Variants in NUP153 observed in about 807,000 individuals in gnomAD.
NUP153 encodes nuclear pore complex protein Nup153.
In NUP153, 27 loss-of-function variants were observed where a neutral mutation model predicts 134.6. The ratio of observed to expected loss-of-function variants is 0.20; its 90% CI spans 0.15 to 0.28. The LOEUF (loss-of-function observed/expected upper bound fraction) is 0.28. Among genes scored for constraint, NUP153 ranks in the 10% least tolerant of loss-of-function variants. The probability of loss-of-function intolerance (pLI) is 1.00; values close to 1 mark genes in which losing one functional copy is unlikely to be tolerated. For missense variants in NUP153, 1,821 were observed against 1,731.3 expected (o/e 1.05, Z -0.92); for synonymous variants, 640 against 623.5 (o/e 1.03, Z -0.40).
chr6:17,647,012 C>T (rs1226225823), intron 13 of NUP153, among the ~76,000 whole-genome samples: 1 of 151,710 alleles, frequency 6.6e-6, no homozygotes, highest in Non-Finnish European at 1.5e-5. Context: ...CTGCCTCGGC[C>T]TCCCAAAGTG....
intron 1 of NUP153, among the ~76,000 whole-genome samples, chr6:17,698,002 T>TC (rs1326416267): frequency 1.3e-5 from 2 of 152,226 alleles, no homozygotes; most frequent in Non-Finnish European, 2.9e-5. Flanking sequence ...TCAGTTCTGT[T>TC]CAACTCCCTT....
At position 17,629,380 on chromosome 6, in the gene NUP153, G is replaced by C. The variant is rs757010696; in HGVS notation, c.2819C>G (p.Ser940Cys). 1 of 1,613,890 alleles carries C rather than the reference G, an allele frequency of 6.2e-7. No homozygotes were observed. Among genetic ancestry groups the C allele is most frequent in the East Asian group, 2.2e-5 (1 of 44,864 alleles). Residue 940 changes from serine to cysteine, a missense_variant, in exon 18 of 22, where the codon TCT becomes TGT. Ser to Cys is a moderately radical substitution (Grantham distance 112). Coordinates refer to ENST00000262077, the MANE Select transcript of NUP153 (RefSeq NM_005124.4). ...GGFKIGVSSDSGSINPMSEGF... is the reference protein window; with the variant it reads ...GGFKIGVSSDCGSINPMSEGF... ...TTCACTCATGGGGTTTATAGACCCA[G>C]AATCGGATGACACACCTATTTTGAA...
At chr6:17,633,679 G>C (rs1267383761) in intron 16 of NUP153, among the ~76,000 whole-genome samples, 1 of 152,222 alleles carries the variant, frequency 6.6e-6, no homozygotes, top group Non-Finnish European at 1.5e-5. Flanking sequence ...TGTGGGAGAG[G>C]TGGCACAGGA....
At chr6:17,658,126 G>A (rs183042796) in intron 11 of NUP153, among the ~76,000 whole-genome samples, 43 of 152,320 alleles carry the variant, frequency 2.8e-4, no homozygotes, top group African/African-American at 9.6e-4. Flanking sequence ...GAGGCTGGGC[G>A]TGATGGCTCA....
Position 17,683,035 on chromosome 6 carries a change from A to C in NUP153, c.334+5361T>G, listed in dbSNP as rs182017195. ...TAATTCAGTCACATCTTCATACTCC[A>C]CTTCTAATTTTAGTTTTCTTTCTAT... is the stretch of plus-strand genomic sequence containing the variant. On this transcript the variant is annotated intron_variant, in intron 2 of 21. Coordinates refer to ENST00000262077, the MANE Select transcript of NUP153 (RefSeq NM_005124.4). Among the ~76,000 whole-genome samples the C allele has an allele frequency of 2.2e-3, 334 of 151,906 alleles. 1 individual carries two copies. Among genetic ancestry groups the C allele is most frequent in the Middle Eastern group, 6.9e-3 (2 of 290 alleles).
At chr6:17,674,370 A>G (rs1394351894) in intron 5 of NUP153, among the ~76,000 whole-genome samples, 1 of 152,234 alleles carries the variant, frequency 6.6e-6, no homozygotes, top group African/African-American at 2.4e-5. Context: ...ATACACGCAC[A>G]TATCTAATAC....
At position 17,629,434 on chromosome 6, in the gene NUP153, C is replaced by A. The variant is rs568832274; in HGVS notation, c.2765G>T (p.Gly922Val). Reference protein sequence around the residue: ...SGPSQTLTSTGNFKFGDQGGF... With the variant: ...SGPSQTLTSTVNFKFGDQGGF... The stretch of plus-strand genomic sequence containing the variant: ...TCCCTGATCTCCAAATTTAAAATTT[C>A]CAGTGCTTGTTAAAGTCTGAGAAGG... The change falls in exon 18 of 22, where the codon GGA becomes GTA. Residue 922 changes from glycine (G) to valine (V), a missense_variant. Transcript: ENST00000262077. 4.3e-6 allele frequency: 7 copies of A among 1,614,026 alleles called. No homozygotes were observed. The highest frequency in any genetic ancestry group is 1.6e-4 in the Middle Eastern group (1 of 6,062).
Position 17,661,745 on chromosome 6 carries a change from C to T in NUP153, c.1303G>A (p.Ala435Thr). The T allele has an allele frequency of 6.2e-7, 1 of 1,612,670 alleles. No individual in the cohort carries two copies. Among genetic ancestry groups the T allele is most frequent in the Non-Finnish European group, 8.5e-7 (1 of 1,179,662 alleles). Residue 435 changes from alanine to threonine, a missense_variant, in exon 11 of 22, where the codon GCC becomes ACC. Physicochemically the swap from Ala to Thr is moderately conservative, Grantham distance 58 (BLOSUM62 0). Coordinates refer to ENST00000262077, the MANE Select transcript of NUP153 (RefSeq NM_005124.4). ...FSYPNFSLPA[A>T]NGLSSGVGGG... ...CCTACTCCAGAAGATAAACCATTGGCTGCAGGCAAACTGAAATTTGGATAT... is the reference window on the plus strand; with the variant it reads ...CCTACTCCAGAAGATAAACCATTGGTTGCAGGCAAACTGAAATTTGGATAT...
chr6:17,622,819 C>T (rs185351245), intron 20 of NUP153, among the ~76,000 whole-genome samples: 2 of 152,116 alleles, frequency 1.3e-5, no homozygotes, highest in East Asian at 3.9e-4. Flanking sequence ...CTGATCTAAC[C>T]TTACAGTGTC....
intron 5 of NUP153, among the ~76,000 whole-genome samples, chr6:17,673,328 G>A (rs902083514): frequency 4.6e-5 from 7 of 151,992 alleles, no homozygotes; most frequent in African/African-American, 1.7e-4. Context: ...CTCAAGCTTG[G>A]GCGACAGCAC....
intron 20 of NUP153, among the ~76,000 whole-genome samples, chr6:17,623,432 T>C (rs1764758343): frequency 6.8e-6 from 1 of 147,936 alleles, no homozygotes; most frequent in African/African-American, 2.5e-5. Flanking sequence ...ATATAAGAAC[T>C]CATACAATGG....
rs1210687353 is a variant in NUP153, at chr6:17,629,354, C to T, written c.2845G>A (p.Gly949Ser). 1.9e-6 allele frequency: 3 copies of T among 1,611,106 alleles called. No individual in the cohort carries two copies. The highest frequency in any genetic ancestry group is 2.2e-5 in the East Asian group (1 of 44,878). ...DSGSINPMSEGFKFSKPIGDF... is the reference protein window; with the variant it reads ...DSGSINPMSESFKFSKPIGDF... Reference sequence around the variant, plus strand: ...CCTATTGGTTTAGAAAATTTAAAGCCTTCACTCATGGGGTTTATAGACCCA... The same window carrying T: ...CCTATTGGTTTAGAAAATTTAAAGCTTTCACTCATGGGGTTTATAGACCCA... The change falls in exon 18 of 22, where the codon GGC becomes AGC. Residue 949 changes from glycine to serine, a missense_variant. Physicochemically the swap from Gly to Ser is moderately conservative, Grantham distance 56. Transcript: ENST00000262077.
intron 8 of NUP153, among the ~76,000 whole-genome samples, chr6:17,667,432 A>G (rs1175221068): frequency 6.6e-6 from 1 of 152,188 alleles, no homozygotes; most frequent in Non-Finnish European, 1.5e-5. Context: ...AGAAAAATCC[A>G]AGCCAGGCAC....
intron 1 of NUP153, among the ~76,000 whole-genome samples, chr6:17,705,637 G>T (rs1427172764): frequency 6.6e-6 from 1 of 151,860 alleles, no homozygotes; most frequent in African/African-American, 2.4e-5. Flanking sequence ...GGGTGGAGAG[G>T]GACTTTCAAA....
chr6:17,635,497 G>A (rs1186628851), intron 16 of NUP153, among the ~76,000 whole-genome samples: 1 of 152,104 alleles, frequency 6.6e-6, no homozygotes, highest in African/African-American at 2.4e-5. Flanking sequence ...TACCTCCCGA[G>A]CTCAAGCAAT....
intron 2 of NUP153, among the ~76,000 whole-genome samples, chr6:17,677,511 T>C (rs1315855178): frequency 6.6e-6 from 1 of 152,158 alleles, no homozygotes; most frequent in Non-Finnish European, 1.5e-5. Context: ...AAAGCAGCTA[T>C]CTGGAATATG....
chr6:17,680,920 T>TG lies in NUP153; in HGVS notation c.335-5151dup, dbSNP rs1410331253. ...CCACAATATGATCCAACAATCCCACTGCTGGGTATATATCCAAGTTAAAGG... is the reference window on the plus strand; with the variant it reads ...CCACAATATGATCCAACAATCCCACTGGCTGGGTATATATCCAAGTTAAAGG... On this transcript the variant is annotated intron_variant, in intron 2 of 21. Coordinates refer to ENST00000262077, the MANE Select transcript of NUP153 (RefSeq NM_005124.4). This position sits in a 1 kb window ranked among gnomAD's most constrained non-coding sequence, Gnocchi z 4.5. Among the ~76,000 whole-genome samples, 1 of 152,164 alleles carries TG rather than the reference T, an allele frequency of 6.6e-6. No homozygotes were observed. The highest frequency in any genetic ancestry group is 1.5e-5 in the Non-Finnish European group (1 of 68,032).
At chr6:17,679,610 AAAACT>A (rs1272006834) in intron 2 of NUP153, among the ~76,000 whole-genome samples, 2 of 152,260 alleles carry the variant, frequency 1.3e-5, no homozygotes, top group African/African-American at 4.8e-5. Flanking sequence ...TTCTGATTTT[AAAACT>A]TAATACAGAA....
intron 8 of NUP153, among the ~76,000 whole-genome samples, chr6:17,667,831 A>AT (rs918464629): frequency 1.3e-5 from 2 of 152,140 alleles, no homozygotes; most frequent in East Asian, 3.8e-4. Flanking sequence ...CAAACATTGT[A>AT]TTTTTTTCCC....
Sources: allele counts gnomAD v4.1 joint callset (sites outside exome capture counted in the v4.1 genomes callset), GRCh38; gene constraint gnomAD v4.1.1; non-coding constraint Gnocchi (gnomAD v3.1); transcripts MANE v1.5; gene names NCBI Gene and HGNC (gene_info 2026-07-23, HGNC 2026-07-21).